Variants in TENM3 observed in about 807,000 individuals in gnomAD.
TENM3 encodes teneurin-3.
TENM3 carries 63 observed loss-of-function variants against 255.1 expected under a neutral mutation model. The ratio of observed to expected loss-of-function variants is 0.25; its 90% CI spans 0.20 to 0.30. TENM3 has a LOEUF of 0.30. Among genes scored for constraint, TENM3 ranks in the 10% least tolerant of loss-of-function variants. The pLI, the probability that TENM3 is intolerant of heterozygous loss-of-function variation, is 1.00. For missense variants in TENM3, 2,929 were observed against 3,461.1 expected, an observed-to-expected ratio of 0.85 and a Z score of 3.86; for synonymous variants, 1,306 against 1,322.3, an observed-to-expected ratio of 0.99 and a Z score of 0.27.
chr4:181,745,422 G>A, the TENM3 span, among the ~76,000 whole-genome samples: 4 of 152,056 alleles, frequency 2.6e-5, no homozygotes, highest in Non-Finnish European at 4.4e-5. Context: ...GGGAGAAAGC[G>A]TTTTTTAAAG....
At chr4:181,711,255 A>T in the TENM3 span, among the ~76,000 whole-genome samples, 1 of 152,332 alleles carries the variant, frequency 6.6e-6, no homozygotes, top group Admixed American at 6.5e-5. Flanking sequence ...AATCTCTAGA[A>T]AAGGGGAAAA....
chr4:181,575,538 C>T, the TENM3 span, among the ~76,000 whole-genome samples: 1 of 152,168 alleles, frequency 6.6e-6, no homozygotes, highest in Non-Finnish European at 1.5e-5. Context: ...TTCTTTCTAG[C>T]ATCTTCTGGA....
At chr4:182,007,317 G>A in the TENM3 span, among the ~76,000 whole-genome samples, 2 of 152,132 alleles carry the variant, frequency 1.3e-5, no homozygotes, top group African/African-American at 4.8e-5. Context: ...AATACTGACA[G>A]TGGGGTGTTA....
At chr4:182,602,041 A>G (rs1347618471) in intron 4 of TENM3, among the ~76,000 whole-genome samples, 1 of 152,246 alleles carries the variant, frequency 6.6e-6, no homozygotes, top group East Asian at 1.9e-4. Context: ...AGCTGTTTTG[A>G]GCTAATCCAT....
chr4:181,689,812 C>A, the TENM3 span, among the ~76,000 whole-genome samples: 291 of 152,242 alleles, frequency 1.9e-3, 1 homozygote, highest in South Asian at 6.9e-3. Context: ...TTTTCTTCTT[C>A]TTATTGGTGG....
At chr4:182,092,301 C>T in the TENM3 span, among the ~76,000 whole-genome samples, 1 of 152,206 alleles carries the variant, frequency 6.6e-6, no homozygotes, top group Non-Finnish European at 1.5e-5. Flanking sequence ...CGCCACTACA[C>T]TCTAGCCTGG....
Position 182,681,898 on chromosome 4 carries a change from A to G in TENM3, c.1919A>G (p.Asn640Ser), listed in dbSNP as rs200597452. 131 of 1,613,834 alleles carry G rather than the reference A, an allele frequency of 8.1e-5. No homozygotes were observed. The highest frequency in any genetic ancestry group is 6.3e-4 in the South Asian group (57 of 91,082). Residue 640 changes from asparagine (N) to serine (S), a missense_variant, in exon 11 of 28, where the codon AAT becomes AGT. Transcript: ENST00000511685. The part of the protein sequence containing the change: ...CHCSPGWGGS[N>S]CEILKTMCPD... Reference sequence around the variant, plus strand: ...TGCAGTCCAGGATGGGGAGGTAGCAATTGTGAAATACTGAAGACCATGTGT... The same window carrying G: ...TGCAGTCCAGGATGGGGAGGTAGCAGTTGTGAAATACTGAAGACCATGTGT...
intron 5 of TENM3, among the ~76,000 whole-genome samples, chr4:182,635,796 C>T (rs1751794875): frequency 6.6e-6 from 1 of 152,054 alleles, no homozygotes; most frequent in East Asian, 1.9e-4. Context: ...AGTTATGATT[C>T]CTTAGCAGTT....
At chr4:182,773,350 T>C (rs1323343174) in intron 22 of TENM3, 122 bp from the exon 23 acceptor site, 1 of 860,650 alleles carries the variant, frequency 1.2e-6, no homozygotes, top group African/African-American at 1.7e-5. Context: ...TCTGCATCGC[T>C]CATCCACGAA....
the TENM3 span, among the ~76,000 whole-genome samples, chr4:181,566,839 T>C: frequency 1.3e-5 from 2 of 152,232 alleles, no homozygotes; most frequent in Admixed American, 1.3e-4. Flanking sequence ...TGTGGAAGAA[T>C]TAGGCTGCTT....
chr4:182,346,922 T>G lies in TENM3; in HGVS notation c.504T>G (p.Ser168Arg). The change falls in exon 3 of 28, where the codon AGT becomes AGG. Residue 168 changes from serine (S) to arginine (R), a missense_variant. Ser to Arg is a moderately radical substitution (Grantham distance 110, BLOSUM62 -1). This residue lies in a region of TENM3 where 283 missense variants were observed against 256.9 expected (regional missense o/e 1.10). Transcript: ENST00000511685. ...TDTEHENKSD[S>R]ENEQPASNQG... is the part of the protein sequence containing the mutation. ...CGGAGCACGAAAACAAGTCCGACAG[T>G]GAGAATGGTAAGTTTCCTTTTTGGC... 6.3e-7 allele frequency: 1 copy of G among 1,596,994 alleles called. No homozygotes were observed. Among genetic ancestry groups the G allele is most frequent in the Non-Finnish European group, 8.6e-7 (1 of 1,169,164 alleles).
chr4:182,793,341 G>A lies in TENM3; in HGVS notation c.6669G>A (p.Trp2223Ter). The A allele has an allele frequency of 6.2e-7, 1 of 1,613,738 alleles. No homozygotes were observed. The highest frequency in any genetic ancestry group is 8.5e-7 in the Non-Finnish European group (1 of 1,179,710). The change falls in exon 26 of 28, where the codon TGG (tryptophan) becomes TGA (stop). Residue 2223 changes from tryptophan (W) to a stop codon, truncating the protein, a stop_gained. Transcript: ENST00000511685. LOFTEE classifies it high-confidence loss of function. The surrounding 1 kb of genome is among the most constrained non-coding windows in gnomAD (Gnocchi z 5.7). ...GAGTTTACAGTAAAGGCAGTGGCTGGACAGTGATCTACCGTTATGACGGCC... is the reference window on the plus strand; with the variant it reads ...GAGTTTACAGTAAAGGCAGTGGCTGAACAGTGATCTACCGTTATGACGGCC... Reference protein sequence around the residue: ...LTRVYSKGSGWTVIYRYDGLG... With the variant: ...LTRVYSKGSG
chr4:181,732,080 C>CATAT, the TENM3 span, among the ~76,000 whole-genome samples: 1 of 152,136 alleles, frequency 6.6e-6, no homozygotes. Context: ...AGTTATCTTG[C>CATAT]ATATAATTTG....
intron 3 of TENM3, among the ~76,000 whole-genome samples, chr4:182,384,986 A>G (rs1767811674): frequency 6.6e-6 from 1 of 152,132 alleles, no homozygotes; most frequent in African/African-American, 2.4e-5. Context: ...GAAAAGACCC[A>G]TCAGCAGCCT....
chr4:181,978,934 C>T, the TENM3 span, among the ~76,000 whole-genome samples: 2 of 145,384 alleles, frequency 1.4e-5, no homozygotes, highest in South Asian at 4.3e-4. Context: ...AAAATTTAAT[C>T]TTTGAGATTA....
rs1021020602 is a variant in TENM3, at chr4:182,424,518, TA to T, written c.511+77597del. On this transcript the variant is annotated intron_variant, in intron 3 of 27. Coordinates refer to ENST00000511685, the MANE Select transcript of TENM3 (RefSeq NM_001080477.4). ...CATCTCTAGGTTGGGCCTATTTTTTTAAAAAAAATGTACATGACCAAAAATA... is the reference window on the plus strand; with the variant it reads ...CATCTCTAGGTTGGGCCTATTTTTTTAAAAAAATGTACATGACCAAAAATA... 4.6e-5 allele frequency among the ~76,000 whole-genome samples: 7 copies of T among 151,962 alleles called. No individual in the cohort carries two copies. The South Asian group carries it at 8.3e-4, about 18-fold the overall frequency.
chr4:181,905,519 A>G, the TENM3 span, among the ~76,000 whole-genome samples: 2 of 149,496 alleles, frequency 1.3e-5, no homozygotes, highest in Non-Finnish European at 3.0e-5. Flanking sequence ...ACTATGTTGC[A>G]GATAATGAGC....
the TENM3 span, among the ~76,000 whole-genome samples, chr4:181,500,397 G>C: frequency 7.2e-5 from 11 of 152,058 alleles, no homozygotes; most frequent in Admixed American, 5.9e-4. Flanking sequence ...GATCGGGGGT[G>C]GGGGAGGCTG....
At chr4:181,784,243 G>A in the TENM3 span, among the ~76,000 whole-genome samples, 1 of 150,894 alleles carries the variant, frequency 6.6e-6, no homozygotes, top group Non-Finnish European at 1.5e-5. Context: ...TATGTTTGTC[G>A]AATTTTTGTT....
Sources: allele counts gnomAD v4.1 joint callset (sites outside exome capture counted in the v4.1 genomes callset), GRCh38; gene constraint gnomAD v4.1.1; regional missense constraint gnomAD v4.1.1; non-coding constraint Gnocchi (gnomAD v3.1); transcripts MANE v1.5; gene names NCBI Gene and HGNC (gene_info 2026-07-23, HGNC 2026-07-21).